The following GRM1 variants were observed in gnomAD, a reference collection of about 807,000 sequenced individuals.
GRM1 encodes the protein glutamate metabotropic receptor 1.
In GRM1, 33 loss-of-function variants were observed where a neutral mutation model predicts 90.9. That is an observed-to-expected ratio of 0.36 (90% CI 0.28 to 0.49). GRM1 has a LOEUF of 0.49. GRM1 is among the 20% of genes least tolerant of loss of function. The pLI is 0.99. For synonymous variants in GRM1, 700 were observed against 613.2 expected, an observed-to-expected ratio of 1.14 and a Z score of -2.09; for missense variants, 1,190 against 1,534.3, an observed-to-expected ratio of 0.78 and a Z score of 3.75.
rs529768350 is a variant in GRM1 at position 146,119,617 on chromosome 6, C to G, written c.701-39731C>G. On this transcript the variant is annotated intron_variant, in intron 1 of 7. Transcript: ENST00000282753. ...TAATCCATCTTGAATTAATTTTTGT[C>G]TAAGGTGTAAGGAAGGGATCCAGTT... Among the ~76,000 whole-genome samples, 23 of 152,180 alleles carry G rather than the reference C, an allele frequency of 1.5e-4. 1 individual carries two copies. The South Asian group carries it at 2.1e-3, about 14-fold the overall frequency.
intron 1 of GRM1, among the ~76,000 whole-genome samples, chr6:146,133,094 A>T (rs1159128924): frequency 6.6e-6 from 1 of 152,218 alleles, no homozygotes; most frequent in African/African-American, 2.4e-5. Context: ...GGAGGCTATC[A>T]TATGGCAGGC....
intron 1 of GRM1, among the ~76,000 whole-genome samples, chr6:146,075,122 TC>T (rs1266277424): frequency 9.9e-5 from 15 of 152,124 alleles, no homozygotes; most frequent in African/African-American, 3.1e-4. Flanking sequence ...TAGTGTTCCA[TC>T]AAAAAGAATT....
At chr6:146,301,784 C>T (rs1290102028) in intron 2 of GRM1, among the ~76,000 whole-genome samples, 1 of 152,058 alleles carries the variant, frequency 6.6e-6, no homozygotes, top group African/African-American at 2.4e-5. Context: ...AATATAAATA[C>T]ATTTAAATGT....
intron 2 of GRM1, among the ~76,000 whole-genome samples, chr6:146,235,916 G>T (rs908348349): frequency 6.6e-6 from 1 of 151,922 alleles, no homozygotes; most frequent in South Asian, 2.1e-4. Context: ...TCTGGGTCAT[G>T]TCTGTGTCTG....
intron 2 of GRM1, among the ~76,000 whole-genome samples, chr6:146,234,546 T>C (rs900814747): frequency 6.6e-5 from 10 of 152,096 alleles, no homozygotes; most frequent in Non-Finnish European, 1.5e-4. Flanking sequence ...TGCCTTCCAA[T>C]AATTTTATAC....
chr6:146,193,802 G>A (rs939904222), intron 2 of GRM1, among the ~76,000 whole-genome samples: 1 of 152,048 alleles, frequency 6.6e-6, no homozygotes, highest in Admixed American at 6.6e-5. Context: ...TGATGATGGA[G>A]ACCTATGTAG....
At chr6:146,431,973 G>C (rs1170899658) in intron 7 of GRM1, among the ~76,000 whole-genome samples, 1 of 152,208 alleles carries the variant, frequency 6.6e-6, no homozygotes, top group Non-Finnish European at 1.5e-5. Flanking sequence ...GATTCTGGTG[G>C]TGATTCTGGC....
intron 2 of GRM1, among the ~76,000 whole-genome samples, chr6:146,164,672 T>A (rs1429335633): frequency 6.6e-6 from 1 of 152,096 alleles, no homozygotes; most frequent in Non-Finnish European, 1.5e-5. Context: ...CATCACTGGG[T>A]CTCACTAGTA....
Position 146,434,863 on chromosome 6 carries a change from A to C in GRM1, c.*67A>C. Reference sequence around the variant, plus strand: ...CTCCCACACCTCCAGAGATGTGCAAACAGCTGGGAGGAAAAGCCTGGGAGT... The same window carrying C: ...CTCCCACACCTCCAGAGATGTGCAACCAGCTGGGAGGAAAAGCCTGGGAGT... On this transcript the variant is annotated 3_prime_UTR_variant, in exon 8 of 8. Transcript: ENST00000282753. 3 of 1,372,876 alleles carry C rather than the reference A, an allele frequency of 2.2e-6. No homozygotes were observed. Among genetic ancestry groups the C allele is most frequent in the East Asian group, 2.3e-5 (1 of 43,712 alleles). The allele number at this position is 1,372,876 out of a possible 1,614,324, so 85.0% of individuals were successfully genotyped here. A position where few individuals can be genotyped will look rare whatever the true frequency, so the allele number is the denominator to read the frequency against.
At position 146,029,575 on chromosome 6, in the gene GRM1, C is replaced by T. The variant is rs373566998; in HGVS notation, c.58C>T (p.Pro20Ser). ...GATCTTTTTGGAGGTGTCCCTTCTC[C>T]CCAGAAGCCCCGGCAGGAAAGTGTT... ...PAIFLEVSLL[P>S]RSPGRKVLLA... Residue 20 changes from proline to serine, a missense_variant, in exon 1 of 8, where the codon CCC becomes TCC. By Grantham distance (74) the Pro-to-Ser change is moderately conservative (BLOSUM62 -1). This residue lies in a region of GRM1 where 44 missense variants were observed against 35.8 expected (regional missense o/e 1.23). Coordinates refer to ENST00000282753, the MANE Select transcript of GRM1 (RefSeq NM_001278064.2). 3 of 1,613,980 alleles carry T rather than the reference C, an allele frequency of 1.9e-6. No homozygotes were observed. The African/African-American group carries it at 4.0e-5, about 22-fold the overall frequency.
intron 2 of GRM1, among the ~76,000 whole-genome samples, chr6:146,199,677 T>C (rs560264656): frequency 6.7e-6 from 1 of 150,136 alleles, no homozygotes; most frequent in Admixed American, 6.7e-5. Flanking sequence ...TGGGTATGAC[T>C]GCATTGTTGG....
At position 146,436,130 on chromosome 6, in the gene GRM1, A is replaced by G. The variant is rs1235684202; in HGVS notation, c.*1334A>G. On this transcript the variant is annotated 3_prime_UTR_variant, in exon 8 of 8. Transcript: ENST00000282753. ...TGCAATTAGAAATTGTCTTTTGAAT[A>G]TACTATATATATTTTTTATGTTCCA... The G allele has an allele frequency of 1.3e-5, 2 of 152,594 alleles. No homozygotes were observed. The highest frequency in any genetic ancestry group is 2.9e-5 in the Non-Finnish European group (2 of 68,036). 9.5% of individuals were successfully genotyped at this position (152,594 alleles called of 1,614,324 possible). A position where few individuals can be genotyped will look rare whatever the true frequency, so the allele number is the denominator to read the frequency against.
intron 3 of GRM1, among the ~76,000 whole-genome samples, chr6:146,330,192 G>A (rs913883973): frequency 6.6e-6 from 1 of 152,144 alleles, no homozygotes; most frequent in Non-Finnish European, 1.5e-5. Flanking sequence ...AATTCCGCTG[G>A]CTGGGAGGGA....
intron 2 of GRM1, among the ~76,000 whole-genome samples, chr6:146,204,058 A>T (rs1177505837): frequency 1.3e-5 from 2 of 152,218 alleles, no homozygotes; most frequent in African/African-American, 4.8e-5. Flanking sequence ...AGTGTTAATT[A>T]TATGCACCTA....
At chr6:146,083,237 C>T (rs1439169324) in intron 1 of GRM1, among the ~76,000 whole-genome samples, 3 of 152,070 alleles carry the variant, frequency 2.0e-5, no homozygotes, top group Non-Finnish European at 4.4e-5. Flanking sequence ...TTTCTCTTGC[C>T]TGATTGCCCT....
intron 3 of GRM1, among the ~76,000 whole-genome samples, chr6:146,328,027 T>C (rs1784454320): frequency 6.6e-6 from 1 of 152,154 alleles, no homozygotes; most frequent in African/African-American, 2.4e-5. Context: ...TGTTTTTTCC[T>C]ACATCACAAT....
chr6:146,291,230 A>C (rs1460099186), intron 2 of GRM1, among the ~76,000 whole-genome samples: 1 of 151,950 alleles, frequency 6.6e-6, no homozygotes, highest in Non-Finnish European at 1.5e-5. Context: ...GTTTTATTTT[A>C]GGTGGGTCTG....
chr6:146,302,656 C>T (rs902646051), intron 2 of GRM1, among the ~76,000 whole-genome samples: 5 of 151,514 alleles, frequency 3.3e-5, no homozygotes, highest in Admixed American at 1.3e-4. Context: ...CTCCCAAAGT[C>T]CTAGGATTAA....
At chr6:146,358,206 C>T (rs756327963) in intron 5 of GRM1, among the ~76,000 whole-genome samples, 8 of 151,746 alleles carry the variant, frequency 5.3e-5, no homozygotes, top group Non-Finnish European at 8.8e-5. Flanking sequence ...AGCGTCCCCA[C>T]TTTCTAACTA....
Sources: allele counts gnomAD v4.1 joint callset (sites outside exome capture counted in the v4.1 genomes callset), GRCh38; gene constraint gnomAD v4.1.1; regional missense constraint gnomAD v4.1.1; transcripts MANE v1.5; gene names NCBI Gene and HGNC (gene_info 2026-07-23, HGNC 2026-07-21).